Variants in SEC14L1 observed in about 807,000 individuals in gnomAD.
The protein encoded by SEC14L1 is SEC14 like lipid binding 1, also known as SEC14-like protein 1.
In SEC14L1, 48 loss-of-function variants were observed where a neutral mutation model predicts 85.3. The observed-to-expected ratio is 0.56, with a 90% CI of 0.45 to 0.72. The LOEUF (loss-of-function observed/expected upper bound fraction) is 0.72, where lower values mean the gene tolerates loss of function less well. SEC14L1 is among the 30% of genes least tolerant of loss of function. SEC14L1 has a pLI of 0.00. For synonymous variants in SEC14L1, 391 were observed against 355.5 expected (o/e 1.10, Z -1.12); for missense variants, 682 against 921.4 (o/e 0.74, Z 3.36).
rs55839227 is a variant in SEC14L1 at position 77,091,814 on chromosome 17, A to AT, written c.-239-1414dup. Reference sequence around the variant, plus strand: ...AACAGAGACAATAACAGTTTATGAAATTTTTTTTTTTTTTTTGAGAAGGAG... The same window carrying AT: ...AACAGAGACAATAACAGTTTATGAAATTTTTTTTTTTTTTTTTGAGAAGGAG... On this transcript the variant is annotated intron_variant, in intron 2 of 19. Transcript: ENST00000392476. 6.9e-3 allele frequency among the ~76,000 whole-genome samples: 1,004 copies of AT among 144,626 alleles called. 3 individuals carry two copies. Among genetic ancestry groups the AT allele is most frequent in the African/African-American group, 0.012 (459 of 39,558 alleles). 94.9% of individuals were successfully genotyped at this position (144,626 alleles called of 152,430 possible).
chr17:77,090,792 T>G (rs1333478742), intron 2 of SEC14L1, among the ~76,000 whole-genome samples: 1 of 151,936 alleles, frequency 6.6e-6, no homozygotes, highest in African/African-American at 2.4e-5. Context: ...GAGTTCAAGA[T>G]CAGCCTGGGT....
At position 77,203,520 on chromosome 17, in the gene SEC14L1, AG is replaced by A. The variant is rs767613773; in HGVS notation, c.1010-49del. 1.0e-5 allele frequency: 15 copies of A among 1,475,396 alleles called. 1 individual carries two copies. In the Middle Eastern group the frequency reaches 5.2e-4, roughly 51 times the overall value. 91.4% of individuals were successfully genotyped at this position (1,475,396 alleles called of 1,614,324 possible). On this transcript the variant is annotated intron_variant, in intron 9 of 16. Coordinates refer to ENST00000436233, the MANE Select transcript of SEC14L1 (RefSeq NM_001143998.2). ...TTAAGGGTCTTAGAGTTGTATCCTC[AG>A]TTTCAACTGGGATGGTGCTGACAAC...
Position 77,215,761 on chromosome 17 carries a change from T to G in SEC14L1, c.*1738T>G, listed in dbSNP as rs1330062123. On this transcript the variant is annotated 3_prime_UTR_variant, in exon 17 of 17. Transcript: ENST00000436233. The stretch of plus-strand genomic sequence containing the variant: ...AGTAGGTAGGGTTAGTAGGTAGGGC[T>G]AGTAGGTAGGGCTAGTAGGTAGGGT... 2.1e-6 allele frequency: 2 copies of G among 974,132 alleles called. No individual in the cohort carries two copies. Among genetic ancestry groups the G allele is most frequent in the Non-Finnish European group, 2.4e-6 (2 of 825,372 alleles). 60.3% of individuals were successfully genotyped at this position (974,132 alleles called of 1,614,324 possible). A position where few individuals can be genotyped will look rare whatever the true frequency, so the allele number is the denominator to read the frequency against.
intron 3 of SEC14L1, among the ~76,000 whole-genome samples, chr17:77,171,221 C>T (rs1407381674): frequency 6.6e-6 from 1 of 152,166 alleles, no homozygotes; most frequent in Non-Finnish European, 1.5e-5. Context: ...CCTGGGGACC[C>T]CAGTGAGTTC....
At chr17:77,146,247 C>G (rs1040185857) in intron 3 of SEC14L1, among the ~76,000 whole-genome samples, 1 of 151,964 alleles carries the variant, frequency 6.6e-6, no homozygotes, top group African/African-American at 2.4e-5. Flanking sequence ...GCCCACGGCC[C>G]GGGGTGGACA....
chr17:77,188,412 C>CT (rs10706544), intron 3 of SEC14L1, among the ~76,000 whole-genome samples: 15 of 143,038 alleles, frequency 1.0e-4, no homozygotes, highest in African/African-American at 3.8e-4. Context: ...ACTGCTGAGG[C>CT]TTTTTTTTTT....
intron 7 of SEC14L1, among the ~76,000 whole-genome samples, chr17:77,195,837 CT>C (rs558966326): frequency 3.4e-5 from 5 of 148,754 alleles, no homozygotes; most frequent in Non-Finnish European, 7.5e-5. Context: ...ATTTGCTTGG[CT>C]TTTTTTTTTC....
At chr17:77,203,763 C>G (rs1976306995) in intron 10 of SEC14L1, 105 bp downstream of exon 10, 1 of 793,476 alleles carries the variant, frequency 1.3e-6, no homozygotes, top group African/African-American at 1.7e-5. Flanking sequence ...ACATGAATTG[C>G]TTATGTAGTT....
chr17:77,170,824 G>A (rs1352390623), intron 3 of SEC14L1, among the ~76,000 whole-genome samples: 2 of 152,174 alleles, frequency 1.3e-5, no homozygotes, highest in Non-Finnish European at 2.9e-5. Context: ...GTGCTTGAGT[G>A]AGCCCTTTAA....
intron 3 of SEC14L1, among the ~76,000 whole-genome samples, chr17:77,106,614 A>G (rs1224631391): frequency 6.6e-6 from 1 of 151,990 alleles, no homozygotes; most frequent in Non-Finnish European, 1.5e-5. Flanking sequence ...CAGCCTGGCT[A>G]ACATAGTGAA....
At chr17:77,118,403 C>T (rs1972226324) in intron 3 of SEC14L1, among the ~76,000 whole-genome samples, 1 of 152,166 alleles carries the variant, frequency 6.6e-6, no homozygotes, top group South Asian at 2.1e-4. Context: ...TGGAGACTGT[C>T]CTGGGCCAAA....
At chr17:77,134,756 A>T (rs1267827285) in intron 3 of SEC14L1, among the ~76,000 whole-genome samples, 1 of 152,038 alleles carries the variant, frequency 6.6e-6, no homozygotes, top group African/African-American at 2.4e-5. Flanking sequence ...AAATAAAATA[A>T]AATACTTTTT....
At chr17:77,134,352 T>G (rs1488911030) in intron 3 of SEC14L1, among the ~76,000 whole-genome samples, 1 of 151,890 alleles carries the variant, frequency 6.6e-6, no homozygotes, top group Non-Finnish European at 1.5e-5. Context: ...TGGGTTCAAG[T>G]GATCCTACTG....
intron 8 of SEC14L1, chr17:77,198,933 A>G (rs1049247505): frequency 6.6e-6 from 1 of 151,958 alleles, no homozygotes; most frequent in African/African-American, 2.4e-5. Context: ...TTGTAATAAG[A>G]CAGTGACCAA....
chr17:77,140,689 A>T (rs1188860314), upstream of SEC14L1: 1 of 142,408 alleles, frequency 7.0e-6, no homozygotes, highest in Non-Finnish European at 1.6e-5. Flanking sequence ...CCAACAAGTG[A>T]CGCAAAACTG....
intron 3 of SEC14L1, among the ~76,000 whole-genome samples, chr17:77,098,077 G>A (rs1173600728): frequency 6.6e-6 from 1 of 152,138 alleles, no homozygotes; most frequent in East Asian, 1.9e-4. Context: ...GATCTCATGG[G>A]GCCTCACATG....
chr17:77,147,529 AATC>A (rs1973369258), intron 3 of SEC14L1, among the ~76,000 whole-genome samples: 2 of 152,154 alleles, frequency 1.3e-5, no homozygotes, highest in Admixed American at 1.3e-4. Flanking sequence ...GAGTTGGAGC[AATC>A]ACCTAGCTCA....
At chr17:77,172,503 C>T (rs562629084) in intron 3 of SEC14L1, among the ~76,000 whole-genome samples, 2 of 152,214 alleles carry the variant, frequency 1.3e-5, no homozygotes, top group South Asian at 2.1e-4. Context: ...TGTTGTGGGG[C>T]GGACAGCATG....
intron 3 of SEC14L1, among the ~76,000 whole-genome samples, chr17:77,175,358 C>T (rs928900071): frequency 2.0e-5 from 3 of 152,214 alleles, no homozygotes; most frequent in Admixed American, 6.5e-5. Context: ...ATACACACTT[C>T]ACAGAAGGGG....
Sources: gnomAD v4.1 joint callset for allele counts (sites outside exome capture counted in the v4.1 genomes callset) on GRCh38, gnomAD v4.1.1 for gene constraint, MANE v1.5 for transcripts, NCBI Gene and HGNC (gene_info 2026-07-23, HGNC 2026-07-21) for gene names.